Variants in SMG1 observed in about 807,000 individuals in gnomAD.
SMG1 encodes serine/threonine-protein kinase SMG1.
SMG1 carries 22 observed loss-of-function variants against 419.9 expected under a neutral mutation model. That is an observed-to-expected ratio of 0.05 (90% CI 0.04 to 0.07). SMG1 has a LOEUF of 0.07. Among genes scored for constraint, SMG1 ranks in the 10% least tolerant of loss-of-function variants. The probability of loss-of-function intolerance (pLI) is 1.00; values close to 1 mark genes in which losing one functional copy is unlikely to be tolerated. For synonymous variants in SMG1, 1,538 were observed against 1,553.5 expected, an observed-to-expected ratio of 0.99 and a Z score of 0.23; for missense variants, 3,185 against 4,342.0, an observed-to-expected ratio of 0.73 and a Z score of 7.49.
rs904103194 is a variant in SMG1 at position 18,867,659 on chromosome 16, T to C, written c.3195+531A>G. Among the ~76,000 whole-genome samples, 20 of 151,584 alleles carry C rather than the reference T, an allele frequency of 1.3e-4. No homozygotes were observed. In the South Asian group the frequency reaches 2.5e-3, roughly 19 times the overall value. The stretch of plus-strand genomic sequence containing the variant: ...GTTTTAACGTGTTCTAACATGAATA[T>C]TGTTTTAACATAAACAAAAACATGA... On this transcript the variant is annotated intron_variant, in intron 22 of 62. Coordinates refer to ENST00000446231, the MANE Select transcript of SMG1 (RefSeq NM_015092.5).
At chr16:18,860,575 A>T (rs1407483285) in intron 26 of SMG1, 92 bp downstream of exon 26, 1 of 645,554 alleles carries the variant, frequency 1.5e-6, no homozygotes, top group Non-Finnish European at 2.7e-6. Context: ...AAAATGTAAA[A>T]TAACTTCCAG....
chr16:18,839,941 T>C lies in SMG1; in HGVS notation c.6702A>G (p.Gln2234=), dbSNP rs777394512. 3 of 1,567,844 alleles carry C rather than the reference T, an allele frequency of 1.9e-6. No homozygotes were observed. Among genetic ancestry groups the C allele is most frequent in the Admixed American group, 3.8e-5 (2 of 52,094 alleles). The change falls in exon 42 of 63, where the codon CAA becomes CAG. Residue 2234 remains glutamine (Q), a synonymous_variant. Transcript: ENST00000446231. ...GATTCTGAGGAGTTTGGTAGGAATC[T>C]TGGGCCTTAAGAAAAAACAATTTTT... ...REAALQAQKA[Q]DSYQTPQNPG... is the part of the protein sequence containing the mutation.
intron 25 of SMG1, among the ~76,000 whole-genome samples, chr16:18,863,079 G>A (rs543253675): frequency 2.0e-5 from 3 of 152,304 alleles, no homozygotes; most frequent in Admixed American, 2.0e-4. Context: ...TGCTGCCTGG[G>A]TCATAGTACA....
chr16:18,852,035 C>G, intron 33 of SMG1, 32 bp downstream of exon 33: 1 of 1,563,540 alleles, frequency 6.4e-7, no homozygotes, highest in Non-Finnish European at 8.6e-7. Context: ...TTTGGAGTAG[C>G]AATCTTGCCC....
rs1343829558 is a variant in SMG1 at position 18,829,638 on chromosome 16, G to T, written c.9251C>A (p.Ala3084Glu). 14 of 1,614,002 alleles carry T rather than the reference G, an allele frequency of 8.7e-6. No homozygotes were observed. Among genetic ancestry groups the T allele is most frequent in the Non-Finnish European group, 1.2e-5 (14 of 1,179,894 alleles). The change falls in exon 54 of 63, where the codon GCA becomes GAA. Residue 3084 changes from alanine (A) to glutamate (E), a missense_variant. Ala to Glu is a moderately radical substitution (Grantham distance 107). Transcript: ENST00000446231. The stretch of plus-strand genomic sequence containing the variant: ...CTGCCTCACAAAGTCAGCTGTGAAT[G>T]CCTTGATAGGTTTGGCCATTTGGTC... ...SEDQMAKPIK[A>E]FTADFVRQLL...
rs1237811920 is a variant in SMG1, at chr16:18,859,006, G to T, written c.4113+16C>A. The T allele has an allele frequency of 4.5e-5, 66 of 1,464,426 alleles. No homozygotes were observed. Among genetic ancestry groups the T allele is most frequent in the Non-Finnish European group, 5.5e-5 (60 of 1,099,434 alleles). The allele number at this position is 1,464,426 out of a possible 1,614,324, so 90.7% of individuals were successfully genotyped here. A position where few individuals can be genotyped will look rare whatever the true frequency, so the allele number is the denominator to read the frequency against. On this transcript the variant is annotated intron_variant, in intron 28 of 62. Transcript: ENST00000446231. ...CATTAATAGTCATAAGAGTGTGCTT[G>T]TAAAAATATACAGACCTCTGTTGAA... is the stretch of plus-strand genomic sequence containing the variant.
At chr16:18,888,041 T>C (rs1028690575) in intron 6 of SMG1, among the ~76,000 whole-genome samples, 9 of 151,334 alleles carry the variant, frequency 5.9e-5, no homozygotes, top group Admixed American at 1.3e-4. Context: ...GGCACACTCC[T>C]GTAATACCAG....
At position 18,869,239 on chromosome 16, in the gene SMG1, T is replaced by A; in HGVS notation, c.2698A>T (p.Thr900Ser). Reference protein sequence around the residue: ...CQRLDKRDQSTIPRNLLKTDA... With the variant: ...CQRLDKRDQSSIPRNLLKTDA... ...GTCTTCAGGAGATTGCGTGGAATTG[T>A]TGACTGGTCACGCTTATCCAGTCTC... Residue 900 changes from threonine (T) to serine (S), a missense_variant, in exon 20 of 63, where the codon ACA becomes TCA. This residue lies in a region of SMG1 where 48 missense variants were observed against 48.8 expected (regional missense o/e 0.98). Coordinates refer to ENST00000446231, the MANE Select transcript of SMG1 (RefSeq NM_015092.5). 1 of 1,611,706 alleles carries A rather than the reference T, an allele frequency of 6.2e-7. No homozygotes were observed. The highest frequency in any genetic ancestry group is 8.5e-7 in the Non-Finnish European group (1 of 1,179,590).
rs1192584523 is a variant in SMG1 at position 18,835,936 on chromosome 16, C to T, written c.8054G>A (p.Arg2685Lys). ...AAATTAAGCACTATCAACTTACTTC[C>T]TATAGAGCTCTTGACAACGCTCTAC... ...TTVERCQELYRKYEMQYAPQP... is the reference protein window; with the variant it reads ...TTVERCQELYKKYEMQYAPQP... The change falls in exon 48 of 63, where the codon AGG becomes AAG. Residue 2685 changes from arginine (R) to lysine (K), a missense_variant. Arg to Lys is a conservative substitution (Grantham distance 26). Coordinates refer to ENST00000446231, the MANE Select transcript of SMG1 (RefSeq NM_015092.5). 1 of 1,552,044 alleles carries T rather than the reference C, an allele frequency of 6.4e-7. No homozygotes were observed. The highest frequency in any genetic ancestry group is 8.7e-7 in the Non-Finnish European group (1 of 1,147,032).
chr16:18,906,286 C>T (rs1250108334), intron 1 of SMG1, among the ~76,000 whole-genome samples: 1 of 152,102 alleles, frequency 6.6e-6, no homozygotes, highest in Non-Finnish European at 1.5e-5. Flanking sequence ...AGTTGGATAC[C>T]AGCCTGGCCA....
In SMG1 at chr16:18,835,124, A is replaced by G; in HGVS notation, c.8098T>C (p.Cys2700Arg). ...QYAPQPPPTV[C>R]QFITATEMTL... Reference sequence around the variant, plus strand: ...ATTTCAGTGGCAGTGATGAACTGACACACTGTTGGGGGTGGCTGGGGAGCA... The same window carrying G: ...ATTTCAGTGGCAGTGATGAACTGACGCACTGTTGGGGGTGGCTGGGGAGCA... Residue 2700 changes from cysteine to arginine, a missense_variant, in exon 49 of 63, where the codon TGT becomes CGT. Transcript: ENST00000446231. The G allele has an allele frequency of 1.2e-6, 2 of 1,613,778 alleles. No individual in the cohort carries two copies. The highest frequency in any genetic ancestry group is 8.5e-7 in the Non-Finnish European group (1 of 1,179,680).
chr16:18,821,350 C>A lies in SMG1; in HGVS notation c.9742-1696G>T, dbSNP rs1469617209. ...ACATGTGCCATGCTGGTGCGCTGCACCCACTAATGTGTCATCTAGCATTAG... is the reference window on the plus strand; with the variant it reads ...ACATGTGCCATGCTGGTGCGCTGCAACCACTAATGTGTCATCTAGCATTAG... On this transcript the variant is annotated intron_variant, in intron 55 of 62. Transcript: ENST00000446231. Among the ~76,000 whole-genome samples, 31 of 41,336 alleles carry A rather than the reference C, an allele frequency of 7.5e-4. 1 individual carries two copies. The highest frequency in any genetic ancestry group is 2.3e-3 in the African/African-American group (27 of 11,960). 27.1% of individuals were successfully genotyped at this position (41,336 alleles called of 152,430 possible).
intron 6 of SMG1, 116 bp from the exon 7 acceptor site, chr16:18,885,782 A>C (rs1472535954): frequency 8.4e-6 from 8 of 952,028 alleles, no homozygotes; most frequent in Non-Finnish European, 1.2e-5. Context: ...CAAGAAAAAT[A>C]GATTCTGTAG....
intron 10 of SMG1, 108 bp downstream of exon 10, chr16:18,882,057 T>C: frequency 2.7e-6 from 2 of 734,354 alleles, no homozygotes; most frequent in Non-Finnish European, 4.2e-6. Flanking sequence ...CATACATACA[T>C]GCTAAACAAA....
At chr16:18,876,509 T>C in intron 12 of SMG1, 116 bp from the exon 13 acceptor site, 1 of 1,312,544 alleles carries the variant, frequency 7.6e-7, no homozygotes, top group Non-Finnish European at 1.0e-6. Context: ...TTAAGATCGA[T>C]CAATTCACTG....
At chr16:18,905,547 G>A (rs188907320) in intron 1 of SMG1, among the ~76,000 whole-genome samples, 1 of 151,342 alleles carries the variant, frequency 6.6e-6, no homozygotes, top group Non-Finnish European at 1.5e-5. Flanking sequence ...GAGTTTTTTA[G>A]TTAACTTTAA....
At position 18,829,397 on chromosome 16, in the gene SMG1, A is replaced by G; in HGVS notation, c.9492T>C (p.Ser3164=). Residue 3164 remains serine (S), a synonymous_variant, in exon 54 of 63, where the codon AGT becomes AGC. Coordinates refer to ENST00000446231, the MANE Select transcript of SMG1 (RefSeq NM_015092.5). ...GCTTCTTCCAGGCAGTGTCGTAAGA[A>G]CTTGCTAACACAGTTGCCCTGTTCA... ...LVMNRATVLA[S]SYDTAWKKHD... is the part of the protein sequence containing the mutation. 6.2e-7 allele frequency: 1 copy of G among 1,614,034 alleles called. No homozygotes were observed. Among genetic ancestry groups the G allele is most frequent in the South Asian group, 1.1e-5 (1 of 91,084 alleles).
At chr16:18,827,642 TATAA>T (rs1339194615) in intron 55 of SMG1, among the ~76,000 whole-genome samples, 1 of 144,536 alleles carries the variant, frequency 6.9e-6, no homozygotes, top group East Asian at 2.0e-4. Flanking sequence ...ATATATTTGG[TATAA>T]ATATACCAAA....
Position 18,919,655 on chromosome 16 carries a change from T to TACAC in SMG1, c.92+6294_92+6295insGTGT, listed in dbSNP as rs1253293502. On this transcript the variant is annotated intron_variant, in intron 1 of 62. Transcript: ENST00000446231. ...AAAAATGTGTGTGTGTGTGTGTATA[T>TACAC]ATACACACACACACACACACACACA... Among the ~76,000 whole-genome samples the TACAC allele has an allele frequency of 2.7e-3, 213 of 80,012 alleles. 1 individual carries two copies. Among genetic ancestry groups the TACAC allele is most frequent in the African/African-American group, 3.3e-3 (68 of 20,876 alleles). The allele number at this position is 80,012 out of a possible 152,430, so 52.5% of individuals were successfully genotyped here.
Sources: allele counts gnomAD v4.1 joint callset (sites outside exome capture counted in the v4.1 genomes callset), GRCh38; gene constraint gnomAD v4.1.1; regional missense constraint gnomAD v4.1.1; transcripts MANE v1.5; gene names NCBI Gene and HGNC (gene_info 2026-07-23, HGNC 2026-07-21).